Variants in CEP85L observed in about 807,000 individuals in gnomAD.
CEP85L encodes centrosomal protein of 85 kDa-like.
A neutral mutation model predicts 100.3 loss-of-function variants in CEP85L; 60 were observed. That is an observed-to-expected ratio of 0.60 (90% CI 0.49 to 0.74). The LOEUF is 0.74. Ranked by LOEUF, CEP85L falls within the 30% of genes least tolerant of loss-of-function variation. CEP85L has a pLI of 0.00. For synonymous variants in CEP85L, 319 were observed against 322.7 expected (o/e 0.99, Z 0.12); for missense variants, 973 against 936.2 (o/e 1.04, Z -0.51).
At chr6:118,660,877 CT>C (rs1462192908) in intron 1 of CEP85L, among the ~76,000 whole-genome samples, 2 of 73,966 alleles carry the variant, frequency 2.7e-5, no homozygotes, top group East Asian at 4.5e-4. Context: ...TCAGAATTTT[CT>C]TTTTTTCTTT....
At chr6:118,652,958 ATG>A, upstream of CEP85L, 1 of 463,416 alleles carries the variant, frequency 2.2e-6, no homozygotes, top group Non-Finnish European at 3.8e-6. Flanking sequence ...CTATAGCACT[ATG>A]TATAGATTTT....
In CEP85L at chr6:118,529,607, C is replaced by G. The variant is rs1195930142; in HGVS notation, c.1021-5687G>C. Among the ~76,000 whole-genome samples the G allele has an allele frequency of 1.9e-3, 74 of 39,638 alleles. 2 individuals are homozygous for G. The highest frequency in any genetic ancestry group is 3.0e-3 in the Non-Finnish European group (62 of 20,532). The allele number at this position is 39,638 out of a possible 152,430, so 26.0% of individuals were successfully genotyped here. A position where few individuals can be genotyped will look rare whatever the true frequency, so the allele number is the denominator to read the frequency against. The stretch of plus-strand genomic sequence containing the variant: ...TGGGCGACAGAGCGAGACTCTGTCT[C>G]CAAAAAAAAAAAAAAAAAAAAAAAA... On this transcript the variant is annotated intron_variant, in intron 3 of 12. Transcript: ENST00000368491.
intron 2 of CEP85L, among the ~76,000 whole-genome samples, chr6:118,617,932 C>G (rs1321426648): frequency 6.6e-6 from 1 of 152,174 alleles, no homozygotes; most frequent in African/African-American, 2.4e-5. Flanking sequence ...GGGCACCTGT[C>G]AGCCAGTTAA....
At position 118,499,127 on chromosome 6, in the gene CEP85L, T is replaced by C. The variant is rs551433808; in HGVS notation, c.1258-7262A>G. On this transcript the variant is annotated intron_variant, in intron 5 of 12. Coordinates refer to ENST00000368491, the MANE Select transcript of CEP85L (RefSeq NM_001042475.3). ...AAGCAGTACTTAGAAATTTATAGCA[T>C]TGAATGCATATATTAGATAAGAAAA... 9.8e-5 allele frequency among the ~76,000 whole-genome samples: 15 copies of C among 152,298 alleles called. No homozygotes were observed. The South Asian group carries it at 2.3e-3, about 23-fold the overall frequency.
chr6:118,511,331 T>C lies in CEP85L; in HGVS notation c.1224A>G (p.Val408=). Residue 408 remains valine, a synonymous_variant, in exon 5 of 13, where the codon GTA becomes GTG. Coordinates refer to ENST00000368491, the MANE Select transcript of CEP85L (RefSeq NM_001042475.3). ...TAGCCACATAAGAATCCTCACAATT[T>C]ACATAATGTCCTAACATGGCATGTT... ...RAQHAMLGHY[V]NCEDSYVASL... The C allele has an allele frequency of 6.2e-7, 1 of 1,612,802 alleles. No homozygotes were observed. Among genetic ancestry groups the C allele is most frequent in the South Asian group, 1.1e-5 (1 of 90,998 alleles).
At chr6:118,584,215 CAG>C (rs1396698636) in intron 2 of CEP85L, among the ~76,000 whole-genome samples, 3 of 152,142 alleles carry the variant, frequency 2.0e-5, no homozygotes, top group Non-Finnish European at 4.4e-5. Context: ...TGTTAGCTAA[CAG>C]AGAATATAAA....
At chr6:118,542,913 A>AC (rs1777983649) in intron 3 of CEP85L, among the ~76,000 whole-genome samples, 1 of 150,452 alleles carries the variant, frequency 6.6e-6, no homozygotes, top group African/African-American at 2.4e-5. Context: ...AAAAAAAAAA[A>AC]AAAAAAAAAA....
intron 1 of CEP85L, among the ~76,000 whole-genome samples, chr6:118,650,978 G>A (rs151246504): frequency 1.6e-3 from 237 of 152,300 alleles, no homozygotes; most frequent in African/African-American, 5.4e-3. Flanking sequence ...AAGGAGGAGC[G>A]GCGGGGACGA....
At chr6:118,501,285 C>T (rs908034189) in intron 5 of CEP85L, 13 of 368,652 alleles carry the variant, frequency 3.5e-5, no homozygotes, top group Admixed American at 1.5e-4. Flanking sequence ...TGGGGTGCCA[C>T]TTCTGGTCCA....
At chr6:118,691,465 G>A (rs527968823) in intron 1 of CEP85L, among the ~76,000 whole-genome samples, 27 of 151,542 alleles carry the variant, frequency 1.8e-4, no homozygotes, top group African/African-American at 4.4e-4. Flanking sequence ...CCCAGGAGGC[G>A]GAGGTTGCAG....
chr6:118,561,807 T>C (rs1268991358), intron 3 of CEP85L, among the ~76,000 whole-genome samples: 1 of 152,140 alleles, frequency 6.6e-6, no homozygotes, highest in Non-Finnish European at 1.5e-5. Flanking sequence ...TTTTGGTGAC[T>C]TTCCCCAAAT....
intron 2 of CEP85L, among the ~76,000 whole-genome samples, chr6:118,598,028 A>G (rs1416362789): frequency 6.6e-6 from 1 of 152,246 alleles, no homozygotes; most frequent in Non-Finnish European, 1.5e-5. Context: ...AATCTCAAGT[A>G]AATTTTTGAG....
intron 1 of CEP85L, among the ~76,000 whole-genome samples, chr6:118,640,763 C>A (rs1313759530): frequency 6.6e-6 from 1 of 152,116 alleles, no homozygotes; most frequent in Admixed American, 6.6e-5. Flanking sequence ...CTCCTGACCT[C>A]AAGTGATCCG....
chr6:118,634,981 A>C (rs1340971902), intron 1 of CEP85L, among the ~76,000 whole-genome samples: 5 of 152,218 alleles, frequency 3.3e-5, no homozygotes, highest in Admixed American at 3.3e-4. Context: ...GGATTTTTAA[A>C]ACTATCAAGT....
chr6:118,557,027 T>C (rs889147506), intron 3 of CEP85L, among the ~76,000 whole-genome samples: 15 of 152,280 alleles, frequency 9.9e-5, no homozygotes, highest in African/African-American at 2.9e-4. Flanking sequence ...AGTCTGTAAA[T>C]AGGATATGTC....
chr6:118,688,871 A>T (rs1776934107), intron 1 of CEP85L, among the ~76,000 whole-genome samples: 1 of 152,226 alleles, frequency 6.6e-6, no homozygotes, highest in African/African-American at 2.4e-5. Context: ...CTTATGCCCT[A>T]GAGCCATTGG....
intron 1 of CEP85L, among the ~76,000 whole-genome samples, chr6:118,703,704 C>T (rs1365948283): frequency 1.3e-5 from 2 of 152,170 alleles, no homozygotes; most frequent in African/African-American, 4.8e-5. Context: ...GCTTTATGAG[C>T]CCCTACCATA....
chr6:118,567,205 ATGTATGTGTGTGTGTGTGTGTGTG>A (rs1389935464), intron 2 of CEP85L, among the ~76,000 whole-genome samples: 2 of 77,238 alleles, frequency 2.6e-5, no homozygotes, highest in African/African-American at 9.6e-5. Context: ...ATGAATATAT[ATGTATGTGTGTGTGTGTGTGTGTG>A]TGTGTGTGTG....
chr6:118,570,508 C>T (rs1779825508), intron 2 of CEP85L, among the ~76,000 whole-genome samples: 1 of 152,130 alleles, frequency 6.6e-6, no homozygotes, highest in African/African-American at 2.4e-5. Context: ...TCACATCAGA[C>T]TAGTGTTTAT....
Sources: allele counts gnomAD v4.1 joint callset (sites outside exome capture counted in the v4.1 genomes callset), GRCh38; gene constraint gnomAD v4.1.1; transcripts MANE v1.5; gene names NCBI Gene and HGNC (gene_info 2026-07-23, HGNC 2026-07-21).